DENND2C: variants seen among roughly 807,000 people sequenced by gnomAD.
DENND2C encodes the protein DENN domain containing 2C.
DENND2C carries 72 observed loss-of-function variants against 112.4 expected under a neutral mutation model. The ratio of observed to expected loss-of-function variants is 0.64; its 90% CI spans 0.53 to 0.78. DENND2C has a LOEUF of 0.78. Among genes scored for constraint, DENND2C ranks in the 30% least tolerant of loss-of-function variants. The probability of loss-of-function intolerance (pLI) is 0.00; values close to 1 mark genes in which losing one functional copy is unlikely to be tolerated. For missense variants in DENND2C, 992 were observed against 1,113.8 expected, an observed-to-expected ratio of 0.89 and a Z score of 1.56; for synonymous variants, 329 against 381.6, an observed-to-expected ratio of 0.86 and a Z score of 1.61.
intron 20 of DENND2C, 180 bp downstream of exon 20, chr1:114,587,207 C>G (rs1655061923): frequency 1.5e-6 from 1 of 666,370 alleles, no homozygotes; most frequent in African/African-American, 1.8e-5. Context: ...CAACCATGCC[C>G]AGCTAATTTT....
chr1:114,648,917 G>A (rs1291258759), intron 2 of DENND2C, among the ~76,000 whole-genome samples: 1 of 151,712 alleles, frequency 6.6e-6, no homozygotes, highest in Admixed American at 6.6e-5. Context: ...GTTATTAACT[G>A]TCCATATAAT....
chr1:114,655,866 T>A (rs978403994), intron 1 of DENND2C, among the ~76,000 whole-genome samples: 21 of 62,462 alleles, frequency 3.4e-4, no homozygotes, highest in Admixed American at 1.5e-3. Context: ...CAAAGAACTT[T>A]TATATATATA....
At position 114,632,642 on chromosome 1, in the gene DENND2C, T is replaced by A. The variant is rs115611809; in HGVS notation, c.-204-6454A>T. Among the ~76,000 whole-genome samples, 1,510 of 152,316 alleles carry A rather than the reference T, an allele frequency of 9.9e-3. 17 individuals are homozygous for A. The highest frequency in any genetic ancestry group is 0.051 in the Middle Eastern group (15 of 294). On this transcript the variant is annotated intron_variant, in intron 3 of 20. Transcript: ENST00000393274. ...TGAGTCCAAGTACAAATTGAAAATG[T>A]GAGATCCCTGTTCAAAAGGCAGTAA... is the stretch of plus-strand genomic sequence containing the variant.
chr1:114,611,698 C>T (rs1655821780), intron 8 of DENND2C, among the ~76,000 whole-genome samples: 1 of 151,844 alleles, frequency 6.6e-6, no homozygotes, highest in South Asian at 2.1e-4. Context: ...TTTCCCCAAT[C>T]CGATTTTAAG....
intron 3 of DENND2C, among the ~76,000 whole-genome samples, chr1:114,632,916 C>G (rs561285377): frequency 3.2e-4 from 49 of 151,894 alleles, no homozygotes; most frequent in African/African-American, 1.1e-3. Flanking sequence ...AAAATGATAC[C>G]AGATAGATAT....
intron 15 of DENND2C, among the ~76,000 whole-genome samples, chr1:114,599,877 C>A (rs758954670): frequency 6.6e-6 from 1 of 151,700 alleles, no homozygotes; most frequent in Non-Finnish European, 1.5e-5. Context: ...CAAAAATATG[C>A]CCAAATTTTT....
chr1:114,649,216 A>G lies in DENND2C; in HGVS notation c.-316-3657T>C, dbSNP rs149919449. 7.4e-3 allele frequency among the ~76,000 whole-genome samples: 1,127 copies of G among 152,214 alleles called. 8 individuals carry two copies. The highest frequency in any genetic ancestry group is 0.027 in the South Asian group (131 of 4,816). ...GTAATCAGCCCGCCTTGGCCTCCCA[A>G]AATGCTGGGATTACAGGTGTGAGCC... On this transcript the variant is annotated intron_variant, in intron 2 of 20. Transcript: ENST00000393274.
intron 20 of DENND2C, chr1:114,586,690 TTTTTTA>T (rs1283895639): frequency 2.0e-5 from 3 of 151,108 alleles, no homozygotes; most frequent in African/African-American, 7.3e-5. Context: ...GCCACATTTA[TTTTTTA>T]TTTTTATTTA....
intron 16 of DENND2C, among the ~76,000 whole-genome samples, chr1:114,596,318 G>A (rs11802832): frequency 0.027 from 4,090 of 152,190 alleles, 96 homozygotes; most frequent in Non-Finnish European, 0.035. Flanking sequence ...CTGTGATTGC[G>A]CCAATGCACT....
Position 114,664,562 on chromosome 1 carries a change from C to A in DENND2C, c.-574+5421G>T, listed in dbSNP as rs1377584702. ...TGGCACAATCTCAGCTCACTGCAAC[C>A]TCCACCTCCTGGGTTCAAGTGATTC... On this transcript the variant is annotated intron_variant, in intron 1 of 20. Transcript: ENST00000393274. Among the ~76,000 whole-genome samples, 8 of 152,100 alleles carry A rather than the reference C, an allele frequency of 5.3e-5. No individual in the cohort carries two copies. The East Asian group carries it at 1.6e-3, about 30-fold the overall frequency.
chr1:114,599,285 G>A lies in DENND2C; in HGVS notation c.2272C>T (p.Pro758Ser). The change falls in exon 16 of 21, where the codon CCC (proline) becomes TCC (serine). Residue 758 changes from proline (P) to serine (S), a missense_variant. Pro to Ser is a moderately conservative substitution (Grantham distance 74). This residue lies in a region of DENND2C where 516 missense variants were observed against 623.6 expected (regional missense o/e 0.83). Coordinates refer to ENST00000393274, the MANE Select transcript of DENND2C (RefSeq NM_001256404.2). ...SCSLPQLQDL[P>S]IEEVLIVDLC... ...TTCTTCTATCTCACCTCTTCAATGG[G>A]TAGGTCCTGGAGCTGTGGTAAGGAG... is the stretch of plus-strand genomic sequence containing the variant. 1 of 1,607,044 alleles carries A rather than the reference G, an allele frequency of 6.2e-7. No homozygotes were observed. Among genetic ancestry groups the A allele is most frequent in the Non-Finnish European group, 8.5e-7 (1 of 1,175,674 alleles).
chr1:114,594,682 T>C (rs990728895), intron 17 of DENND2C, 104 bp from the exon 18 acceptor site: 13 of 937,602 alleles, frequency 1.4e-5, no homozygotes, highest in Middle Eastern at 3.0e-4. Context: ...AGTGACTGTA[T>C]ATATTTTGGC....
At chr1:114,627,921 C>A (rs1656389468) in intron 3 of DENND2C, among the ~76,000 whole-genome samples, 1 of 151,322 alleles carries the variant, frequency 6.6e-6, no homozygotes, top group African/African-American at 2.4e-5. Flanking sequence ...CTTTATTTTT[C>A]TCTGGTTAAT....
At chr1:114,642,158 G>A (rs1201039316) in intron 3 of DENND2C, among the ~76,000 whole-genome samples, 3 of 151,962 alleles carry the variant, frequency 2.0e-5, no homozygotes, top group Non-Finnish European at 4.4e-5. Context: ...ACCCTGTTGG[G>A]CCGGCTGGTC....
In DENND2C at chr1:114,585,571, T is replaced by C; in HGVS notation, c.*29A>G. 1 of 1,611,680 alleles carries C rather than the reference T, an allele frequency of 6.2e-7. No individual in the cohort carries two copies. The highest frequency in any genetic ancestry group is 8.5e-7 in the Non-Finnish European group (1 of 1,178,128). ...ATATTTTCTTTGGCACTTTCTGTTG[T>C]ATATTCAGGATGGAGACAATCAGAG... On this transcript the variant is annotated 3_prime_UTR_variant, in exon 21 of 21. Coordinates refer to ENST00000393274, the MANE Select transcript of DENND2C (RefSeq NM_001256404.2).
At chr1:114,617,177 A>C (rs1179246978) in intron 8 of DENND2C, among the ~76,000 whole-genome samples, 1 of 152,208 alleles carries the variant, frequency 6.6e-6, no homozygotes, top group Non-Finnish European at 1.5e-5. Flanking sequence ...GACACAGCCA[A>C]ACCATATCCC....
At chr1:114,653,394 C>A (rs111757151) in intron 2 of DENND2C, among the ~76,000 whole-genome samples, 5,395 of 152,200 alleles carry the variant, frequency 0.035, 148 homozygotes, top group Middle Eastern at 0.065. Flanking sequence ...CAGGTGTGAG[C>A]CACTGCGCCC....
At chr1:114,612,149 A>T (rs1002105637) in intron 8 of DENND2C, among the ~76,000 whole-genome samples, 1 of 152,206 alleles carries the variant, frequency 6.6e-6, no homozygotes, top group African/African-American at 2.4e-5. Flanking sequence ...AAACATGAAA[A>T]CTGCCCAAAT....
In DENND2C at chr1:114,583,088, C is replaced by T. The variant is rs1654942646; in HGVS notation, c.*2512G>A. ...AACCCTTTTACCCCCATTTTATAAA[C>T]ATCCAATTATTAACTGTTCCTGCTG... On this transcript the variant is annotated 3_prime_UTR_variant, in exon 21 of 21. Transcript: ENST00000393274. 6.6e-6 allele frequency: 1 copy of T among 152,196 alleles called. No individual in the cohort carries two copies. The highest frequency in any genetic ancestry group is 1.5e-5 in the Non-Finnish European group (1 of 68,044). The allele number at this position is 152,196 out of a possible 1,614,324, so 9.4% of individuals were successfully genotyped here.
Sources: gnomAD v4.1 joint callset for allele counts (sites outside exome capture counted in the v4.1 genomes callset) on GRCh38, gnomAD v4.1.1 for gene constraint, gnomAD v4.1.1 regional missense constraint, MANE v1.5 for transcripts, NCBI Gene and HGNC (gene_info 2026-07-23, HGNC 2026-07-21) for gene names.